The following CRTAC1 variants were observed in gnomAD, a reference collection of about 807,000 sequenced individuals.
The protein encoded by CRTAC1 is cartilage acidic protein 1.
A neutral mutation model predicts 67.8 loss-of-function variants in CRTAC1; 37 were observed. The ratio of observed to expected loss-of-function variants is 0.55; its 90% confidence interval spans 0.42 to 0.72. CRTAC1 has a LOEUF of 0.72. Among genes scored for constraint, CRTAC1 ranks in the 30% least tolerant of loss-of-function variants. CRTAC1 has a pLI of 0.00. For synonymous variants in CRTAC1, 348 were observed against 371.0 expected, an observed-to-expected ratio of 0.94 and a Z score of 0.71; for missense variants, 780 against 931.6, an observed-to-expected ratio of 0.84 and a Z score of 2.12.
At chr10:97,919,693 G>C (rs147499054) in intron 4 of CRTAC1, among the ~76,000 whole-genome samples, 4 of 150,666 alleles carry the variant, frequency 2.7e-5, no homozygotes, top group African/African-American at 7.3e-5. Flanking sequence ...TGCTGAATCA[G>C]AATCTGCATT....
chr10:97,924,823 C>T (rs2050890063), intron 3 of CRTAC1, among the ~76,000 whole-genome samples: 1 of 152,164 alleles, frequency 6.6e-6, no homozygotes, highest in Admixed American at 6.5e-5. Flanking sequence ...TTGGTGAAAA[C>T]CAGTGATTCT....
chr10:97,985,408 G>A (rs968834113), intron 2 of CRTAC1, among the ~76,000 whole-genome samples: 15 of 152,062 alleles, frequency 9.9e-5, no homozygotes, highest in Non-Finnish European at 1.8e-4. Flanking sequence ...CAGTCTATGG[G>A]CTGCTCCATC....
chr10:97,876,034 G>A (rs575374462), intron 14 of CRTAC1: 1 of 152,338 alleles, frequency 6.6e-6, no homozygotes, highest in African/African-American at 2.4e-5. Flanking sequence ...AGACTTGAAC[G>A]TGACCGTGGG....
intron 4 of CRTAC1, among the ~76,000 whole-genome samples, chr10:97,922,396 C>A (rs2050853807): frequency 6.6e-6 from 1 of 152,230 alleles, no homozygotes; most frequent in Non-Finnish European, 1.5e-5. Context: ...CATCTCAATC[C>A]CAAAGTGAGC....
At chr10:97,968,444 C>T (rs971519467) in intron 2 of CRTAC1, among the ~76,000 whole-genome samples, 1 of 152,124 alleles carries the variant, frequency 6.6e-6, no homozygotes, top group Non-Finnish European at 1.5e-5. Context: ...TGGGGTTTCA[C>T]CGTGTTAGCC....
intron 3 of CRTAC1, among the ~76,000 whole-genome samples, chr10:97,930,231 A>C (rs2050983923): frequency 6.6e-6 from 1 of 152,164 alleles, no homozygotes; most frequent in South Asian, 2.1e-4. Context: ...TAAAGAGCTG[A>C]GGTTGCTCGT....
chr10:97,988,392 C>A (rs575763957), intron 2 of CRTAC1, among the ~76,000 whole-genome samples: 1 of 152,106 alleles, frequency 6.6e-6, no homozygotes, highest in Non-Finnish European at 1.5e-5. Flanking sequence ...AGACTCTGAA[C>A]GATCTCATGG....
chr10:98,019,468 G>C (rs560930198), intron 1 of CRTAC1, among the ~76,000 whole-genome samples: 2 of 152,204 alleles, frequency 1.3e-5, no homozygotes. Context: ...GGTGGGTAGA[G>C]GCACAGGATG....
At chr10:98,015,395 G>A (rs1272888184) in intron 1 of CRTAC1, among the ~76,000 whole-genome samples, 1 of 152,150 alleles carries the variant, frequency 6.6e-6, no homozygotes, top group Non-Finnish European at 1.5e-5. Context: ...GTTTCCATAT[G>A]GGAAGATGAA....
chr10:97,878,763 G>T, intron 14 of CRTAC1: 1 of 1,264,908 alleles, frequency 7.9e-7, no homozygotes, highest in South Asian at 1.3e-5. Flanking sequence ...GAAAGGAAAG[G>T]CCCTTAGGGA....
intron 2 of CRTAC1, among the ~76,000 whole-genome samples, chr10:97,946,469 T>A (rs559530949): frequency 6.6e-6 from 1 of 152,114 alleles, no homozygotes; most frequent in Non-Finnish European, 1.5e-5. Context: ...TGTTCTCTCC[T>A]CAGTTTGCAT....
At chr10:97,988,652 G>A (rs753343354) in intron 2 of CRTAC1, among the ~76,000 whole-genome samples, 4 of 152,094 alleles carry the variant, frequency 2.6e-5, no homozygotes, top group Admixed American at 6.5e-5. Context: ...CCCGGGAGGC[G>A]GAGGTTGCGG....
chr10:97,902,611 C>T (rs962544286), intron 7 of CRTAC1, among the ~76,000 whole-genome samples: 4 of 152,116 alleles, frequency 2.6e-5, no homozygotes, highest in Non-Finnish European at 5.9e-5. Context: ...TATTTCTGAG[C>T]GTAATATCCT....
chr10:97,880,594 T>C (rs1181830979), intron 13 of CRTAC1, among the ~76,000 whole-genome samples: 3 of 152,162 alleles, frequency 2.0e-5, no homozygotes, highest in Non-Finnish European at 2.9e-5. Flanking sequence ...TCAGGCTTGG[T>C]CCTGGGTCCT....
At chr10:97,914,921 T>C (rs1216541399) in intron 5 of CRTAC1, among the ~76,000 whole-genome samples, 1 of 151,640 alleles carries the variant, frequency 6.6e-6, no homozygotes, top group Non-Finnish European at 1.5e-5. Flanking sequence ...GCTGGCATGG[T>C]GGCCACTAGA....
intron 6 of CRTAC1, among the ~76,000 whole-genome samples, chr10:97,907,299 C>T (rs2050625960): frequency 6.6e-6 from 1 of 151,994 alleles, no homozygotes; most frequent in Non-Finnish European, 1.5e-5. Flanking sequence ...AGGAAAATCT[C>T]TGCAGAGGTG....
At chr10:97,960,758 T>A (rs145991724) in intron 2 of CRTAC1, among the ~76,000 whole-genome samples, 83 of 152,294 alleles carry the variant, frequency 5.4e-4, no homozygotes, top group African/African-American at 1.9e-3. Flanking sequence ...CAATGTAAAA[T>A]GTGTAGAAAG....
intron 2 of CRTAC1, among the ~76,000 whole-genome samples, chr10:97,952,680 C>G: frequency 6.6e-6 from 1 of 152,074 alleles, no homozygotes; most frequent in East Asian, 1.9e-4. Context: ...AAATGTGAGA[C>G]CCATCCCTGG....
chr10:98,002,778 T>G (rs1351598110), intron 2 of CRTAC1, among the ~76,000 whole-genome samples: 5 of 112,368 alleles, frequency 4.4e-5, no homozygotes, highest in Admixed American at 8.8e-5. Flanking sequence ...TTTTTTTTTT[T>G]TTTTTTTTTT....
Sources: gnomAD v4.1 joint callset for allele counts (sites outside exome capture counted in the v4.1 genomes callset) on GRCh38, gnomAD v4.1.1 for gene constraint, MANE v1.5 for transcripts, NCBI Gene and HGNC (gene_info 2026-07-23, HGNC 2026-07-21) for gene names.